The following ZNF662 variants were observed in gnomAD, a reference collection of about 807,000 sequenced individuals.
ZNF662 encodes zinc finger protein 662.
A neutral mutation model predicts 12.4 loss-of-function variants in ZNF662; 14 were observed. That is an observed-to-expected ratio of 1.13 (90% CI 0.75 to 1.77). The LOEUF is 1.77. Among genes scored for constraint, ZNF662 ranks in the 40% most tolerant of loss-of-function variants. The pLI is 0.00. For synonymous variants in ZNF662, 184 were observed against 176.4 expected (o/e 1.04, Z -0.34); for missense variants, 550 against 515.6 (o/e 1.07, Z -0.65).
rs201720860 is a variant in ZNF662 at position 42,908,800 on chromosome 3, T to G, written c.42T>G (p.Phe14Leu). 6.2e-7 allele frequency: 1 copy of G among 1,613,996 alleles called. No individual in the cohort carries two copies. The highest frequency in any genetic ancestry group is 1.3e-5 in the African/African-American group (1 of 75,038). ...NYGAVASLAA[F>L]PFPKPALISQ... ...CATTTCTTTCCTTTTAAGCAGCATT[T>G]CCATTTCCCAAACCGGCTCTGATTT... The change falls in exon 3 of 5, where the codon TTT (phenylalanine) becomes TTG (leucine). Residue 14 changes from phenylalanine (F) to leucine (L), a missense_variant. Physicochemically the swap from Phe to Leu is conservative, Grantham distance 22. Coordinates refer to ENST00000440367, the MANE Select transcript of ZNF662 (RefSeq NM_207404.4).
chr3:42,917,355 G>A lies in ZNF662; in HGVS notation c.*2001G>A, dbSNP rs779836120. Reference sequence around the variant, plus strand: ...TGGAAAAGAGAGGCTTTTCTTCATCGAGAGCTACCAGAGGAGATATTATCT... The same window carrying A: ...TGGAAAAGAGAGGCTTTTCTTCATCAAGAGCTACCAGAGGAGATATTATCT... On this transcript the variant is annotated 3_prime_UTR_variant, in exon 5 of 5. Coordinates refer to ENST00000440367, the MANE Select transcript of ZNF662 (RefSeq NM_207404.4). 1.5e-5 allele frequency: 9 copies of A among 599,068 alleles called. No homozygotes were observed. The highest frequency in any genetic ancestry group is 6.1e-5 in the Admixed American group (2 of 32,738). 37.1% of individuals were successfully genotyped at this position (599,068 alleles called of 1,614,324 possible).
At position 42,914,732 on chromosome 3, in the gene ZNF662, A is replaced by T. The variant is rs764720706; in HGVS notation, c.659A>T (p.Tyr220Phe). 1.1e-5 allele frequency: 17 copies of T among 1,614,118 alleles called. No homozygotes were observed. Among genetic ancestry groups the T allele is most frequent in the Non-Finnish European group, 1.4e-5 (17 of 1,180,038 alleles). The change falls in exon 5 of 5, where the codon TAT (tyrosine) becomes TTT (phenylalanine). Residue 220 changes from tyrosine to phenylalanine, a missense_variant. Physicochemically the swap from Tyr to Phe is conservative, Grantham distance 22. Coordinates refer to ENST00000440367, the MANE Select transcript of ZNF662 (RefSeq NM_207404.4). ...HQKTHNGEKV[Y>F]GCKECGKAFS... ...AAAACTCATAATGGAGAGAAGGTCT[A>T]TGGATGTAAGGAATGTGGGAAGGCT...
At position 42,908,864 on chromosome 3, in the gene ZNF662, C is replaced by T. The variant is rs201942800; in HGVS notation, c.106C>T (p.Pro36Ser). The T allele has an allele frequency of 1.4e-5, 23 of 1,614,154 alleles. No homozygotes were observed. Among genetic ancestry groups the T allele is most frequent in the Non-Finnish European group, 1.8e-5 (21 of 1,180,016 alleles). ...ERGETPWCSV[P>S]RGALDGEAPR... ...AGGGGAAACACCCTGGTGCTCGGTT[C>T]CTCGGGGAGCTCTGGATGGAGAGGC... is the stretch of plus-strand genomic sequence containing the variant. The change falls in exon 3 of 5, where the codon CCT (proline) becomes TCT (serine). Residue 36 changes from proline (P) to serine (S), a missense_variant. Physicochemically the swap from Pro to Ser is moderately conservative, Grantham distance 74. Transcript: ENST00000440367.
chr3:42,906,475 G>C lies in ZNF662; in HGVS notation c.-94+307G>C. On this transcript the variant is annotated intron_variant, in intron 1 of 4. Transcript: ENST00000440367. This position sits in a 1 kb window ranked among gnomAD's most constrained non-coding sequence, Gnocchi z 4.4. ...GGGGCCGGAGCCTGGAAGCAGTCTT[G>C]GCCCTGCCCTGGGTTCTAGGCCCGG... 1.4e-6 allele frequency: 2 copies of C among 1,406,286 alleles called. No individual in the cohort carries two copies. The highest frequency in any genetic ancestry group is 1.8e-6 in the Non-Finnish European group (2 of 1,085,054). 87.1% of individuals were successfully genotyped at this position (1,406,286 alleles called of 1,614,324 possible).
Position 42,913,295 on chromosome 3 carries a change from T to C in ZNF662, c.246T>C (p.Ile82=). ...TGCAAGGAGAGGGTCCAAGCCTGAT[T>C]TGTCCGGGTAAGTGAGAGGGAAATG... is the stretch of plus-strand genomic sequence containing the variant. ...LKLQGEGPSL[I]CPEGVLKRKK... Residue 82 remains isoleucine, a synonymous_variant, in exon 4 of 5, where the codon ATT becomes ATC. Transcript: ENST00000440367. 1 of 1,613,132 alleles carries C rather than the reference T, an allele frequency of 6.2e-7. No individual in the cohort carries two copies. Among genetic ancestry groups the C allele is most frequent in the Non-Finnish European group, 8.5e-7 (1 of 1,179,154 alleles).
chr3:42,906,899 T>C lies in ZNF662; in HGVS notation c.-94+731T>C, dbSNP rs1342172573. Among the ~76,000 whole-genome samples the C allele has an allele frequency of 2.6e-5, 4 of 152,102 alleles. No homozygotes were observed. Among genetic ancestry groups the C allele is most frequent in the African/African-American group, 9.7e-5 (4 of 41,420 alleles). On this transcript the variant is annotated intron_variant, in intron 1 of 4. Coordinates refer to ENST00000440367, the MANE Select transcript of ZNF662 (RefSeq NM_207404.4). This position sits in a 1 kb window ranked among gnomAD's most constrained non-coding sequence, Gnocchi z 4.4. ...AGATGAGAGTGGTGGTGGCTGATGA[T>C]CCTGGCCAGGAAAGCTGGGTCTGTG...
intron 3 of ZNF662, among the ~76,000 whole-genome samples, chr3:42,912,669 T>TTTATATATATAAATATATATATATA (rs2088831427): frequency 3.7e-5 from 2 of 54,248 alleles, no homozygotes; most frequent in Admixed American, 7.9e-4. Flanking sequence ...TATATATATT[T>TTTATATATATAAATATATATATATA]TTTATATATA....
chr3:42,910,337 C>T (rs2088767690), intron 3 of ZNF662, among the ~76,000 whole-genome samples: 1 of 152,010 alleles, frequency 6.6e-6, no homozygotes, highest in South Asian at 2.1e-4. Context: ...TAGAGGGAGA[C>T]CGTGCAAAGA....
rs1226304291 is a variant in ZNF662 at position 42,915,375 on chromosome 3, T to C, written c.*21T>C. On this transcript the variant is annotated 3_prime_UTR_variant, in exon 5 of 5. Transcript: ENST00000440367. ...ATTAGAGAGTGCATAATGGTGATAC[T>C]TGTTTATAATTCTTATGCTGCAGGA... The C allele has an allele frequency of 1.3e-6, 2 of 1,522,990 alleles. No homozygotes were observed. The highest frequency in any genetic ancestry group is 1.8e-6 in the Non-Finnish European group (2 of 1,138,044). 94.3% of individuals were successfully genotyped at this position (1,522,990 alleles called of 1,614,324 possible). A position where few individuals can be genotyped will look rare whatever the true frequency, so the allele number is the denominator to read the frequency against.
At chr3:42,910,109 G>A (rs905687318) in intron 3 of ZNF662, among the ~76,000 whole-genome samples, 4 of 152,168 alleles carry the variant, frequency 2.6e-5, no homozygotes, top group African/African-American at 7.2e-5. Context: ...CTGGCACCTC[G>A]GGAGGCCAAG....
intron 3 of ZNF662, among the ~76,000 whole-genome samples, chr3:42,912,641 TATATATATATAA>T (rs1229373175): frequency 6.7e-5 from 6 of 88,944 alleles, no homozygotes; most frequent in African/African-American, 2.8e-4. Flanking sequence ...TTATATATTT[TATATATATATAA>T]ATATATATAT....
chr3:42,907,030 T>TGTG (rs2088692803), intron 1 of ZNF662, among the ~76,000 whole-genome samples: 1 of 152,180 alleles, frequency 6.6e-6, no homozygotes, highest in Non-Finnish European at 1.5e-5. Flanking sequence ...GATAAATAGC[T>TGTG]GTGGAGACTT....
At position 42,918,285 on chromosome 3, in the gene ZNF662, T is replaced by C. The variant is rs2088914408; in HGVS notation, c.*2931T>C. Among the ~76,000 whole-genome samples the C allele has an allele frequency of 6.6e-6, 1 of 152,042 alleles. No homozygotes were observed. Among genetic ancestry groups the C allele is most frequent in the South Asian group, 2.1e-4 (1 of 4,814 alleles). ...TTAGTCACAGGGACACATTGAAAAGTGAGGAGGGCAGAATTTATTAAGTGA... is the reference window on the plus strand; with the variant it reads ...TTAGTCACAGGGACACATTGAAAAGCGAGGAGGGCAGAATTTATTAAGTGA... On this transcript the variant is annotated 3_prime_UTR_variant, in exon 5 of 5. Coordinates refer to ENST00000440367, the MANE Select transcript of ZNF662 (RefSeq NM_207404.4).
intron 3 of ZNF662, among the ~76,000 whole-genome samples, chr3:42,910,735 C>T (rs563470014): frequency 2.0e-5 from 3 of 152,260 alleles, no homozygotes; most frequent in African/African-American, 7.2e-5. Flanking sequence ...CTCCTTGGCC[C>T]CATTTCATCT....
chr3:42,914,502 TG>T lies in ZNF662; in HGVS notation c.434del (p.Gly145AspfsTer11). 1 of 1,614,026 alleles carries T rather than the reference TG, an allele frequency of 6.2e-7. No homozygotes were observed. Among genetic ancestry groups the T allele is most frequent in the Non-Finnish European group, 8.5e-7 (1 of 1,180,014 alleles). ...TAGGGAGATGGCCTGGTTACCTCAA[TG>T]GGGGACGTATGGAAAGTTCTACAAA... The part of the protein sequence containing the change: ...RLGRWPGYLN[G>X]GRMESSTNDI... On this transcript the variant is annotated frameshift_variant, in exon 5 of 5. Transcript: ENST00000440367. LOFTEE classifies it low-confidence loss of function (END_TRUNC).
rs558210440 is a variant in ZNF662 at position 42,914,677 on chromosome 3, G to C, written c.604G>C (p.Asp202His). 3 of 1,614,126 alleles carry C rather than the reference G, an allele frequency of 1.9e-6. No homozygotes were observed. In the Admixed American group the frequency reaches 5.0e-5, roughly 27 times the overall value. Residue 202 changes from aspartate to histidine, a missense_variant, in exon 5 of 5, where the codon GAT becomes CAT. Transcript: ENST00000440367. Reference protein sequence around the residue: ...YICEECGKCFDQNEDFDQHQK... With the variant: ...YICEECGKCFHQNEDFDQHQK... Reference sequence around the variant, plus strand: ...ATGTGAGGAATGCGGCAAGTGTTTTGATCAAAATGAGGACTTTGATCAACA... The same window carrying C: ...ATGTGAGGAATGCGGCAAGTGTTTTCATCAAAATGAGGACTTTGATCAACA...
rs2088891395 is a variant in ZNF662 at position 42,915,819 on chromosome 3, T to C, written c.*465T>C. ...TTTATTTGCTTATTTTCCTGTGCTTTTAGTTTCCCTTCATCACTCAGATCT... is the reference window on the plus strand; with the variant it reads ...TTTATTTGCTTATTTTCCTGTGCTTCTAGTTTCCCTTCATCACTCAGATCT... On this transcript the variant is annotated 3_prime_UTR_variant, in exon 5 of 5. Transcript: ENST00000440367. 1 of 157,412 alleles carries C rather than the reference T, an allele frequency of 6.4e-6. No individual in the cohort carries two copies. Among genetic ancestry groups the C allele is most frequent in the African/African-American group, 2.4e-5 (1 of 41,356 alleles). 9.8% of individuals were successfully genotyped at this position (157,412 alleles called of 1,614,324 possible).
intron 4 of ZNF662, among the ~76,000 whole-genome samples, chr3:42,913,652 C>T (rs1431143240): frequency 1.3e-5 from 2 of 152,066 alleles, no homozygotes; most frequent in Non-Finnish European, 2.9e-5. Context: ...CATATATGGC[C>T]CTTATCCTGG....
At position 42,917,325 on chromosome 3, in the gene ZNF662, T is replaced by C; in HGVS notation, c.*1971T>C. The C allele has an allele frequency of 1.7e-6, 1 of 598,024 alleles. No individual in the cohort carries two copies. Among genetic ancestry groups the C allele is most frequent in the African/African-American group, 1.9e-5 (1 of 53,626 alleles). 37.0% of individuals were successfully genotyped at this position (598,024 alleles called of 1,614,324 possible). A position where few individuals can be genotyped will look rare whatever the true frequency, so the allele number is the denominator to read the frequency against. On this transcript the variant is annotated 3_prime_UTR_variant, in exon 5 of 5. Coordinates refer to ENST00000440367, the MANE Select transcript of ZNF662 (RefSeq NM_207404.4). ...CATTGTGATATGAGGAGATACTGGC[T>C]CTTCTGGAAAAGAGAGGCTTTTCTT...
Sources: allele counts gnomAD v4.1 joint callset (sites outside exome capture counted in the v4.1 genomes callset), GRCh38; gene constraint gnomAD v4.1.1; non-coding constraint Gnocchi (gnomAD v3.1); transcripts MANE v1.5; gene names NCBI Gene and HGNC (gene_info 2026-07-23, HGNC 2026-07-21).